Variants in FXR1 observed in about 807,000 individuals in gnomAD.
FXR1 encodes RNA-binding protein FXR1.
Under a neutral mutation model 84.0 loss-of-function variants are expected in FXR1, and 15 were observed. That is an observed-to-expected ratio of 0.18 (90% confidence interval 0.12 to 0.27). The LOEUF (loss-of-function observed/expected upper bound fraction) is 0.27. Ranked by LOEUF, FXR1 falls within the 10% of genes least tolerant of loss-of-function variation. FXR1 has a pLI of 1.00. For synonymous variants in FXR1, 245 were observed against 250.7 expected, an observed-to-expected ratio of 0.98 and a Z score of 0.21; for missense variants, 480 against 774.4, an observed-to-expected ratio of 0.62 and a Z score of 4.51.
At chr3:180,946,927 TAAAG>T (rs1356178532) in intron 3 of FXR1, among the ~76,000 whole-genome samples, 2 of 152,228 alleles carry the variant, frequency 1.3e-5, no homozygotes, top group Non-Finnish European at 2.9e-5. Flanking sequence ...TATAATACGT[TAAAG>T]AAGCTCTGCT....
chr3:180,923,608 C>T (rs1422249348), intron 1 of FXR1, among the ~76,000 whole-genome samples: 1 of 151,888 alleles, frequency 6.6e-6, no homozygotes, highest in Non-Finnish European at 1.5e-5. Context: ...AATTACTTTA[C>T]TTATCATAAA....
At chr3:180,934,107 T>G (rs1244688763) in intron 2 of FXR1, among the ~76,000 whole-genome samples, 1 of 152,072 alleles carries the variant, frequency 6.6e-6, no homozygotes, top group East Asian at 1.9e-4. Context: ...AGAGCAAAAC[T>G]CCATCTCCAA....
At position 180,968,205 on chromosome 3, in the gene FXR1, G is replaced by T. The variant is rs535068028; in HGVS notation, c.1353G>T (p.Gly451=). The T allele has an allele frequency of 6.2e-7, 1 of 1,613,970 alleles. No homozygotes were observed. The highest frequency in any genetic ancestry group is 8.5e-7 in the Non-Finnish European group (1 of 1,179,846). The part of the protein sequence containing the change: ...RPGGRGRSVS[G]GRGRGGPRGG... ...GAGGAAGAGGCAGAAGTGTTTCAGG[G>T]GGTCGAGGTCGTGGTGGACCACGTG... The change falls in exon 14 of 17, where the codon GGG becomes GGT. Residue 451 remains glycine (G), a synonymous_variant. Transcript: ENST00000357559.
intron 9 of FXR1, 48 bp from the exon 10 acceptor site, chr3:180,957,770 GC>G: frequency 1.2e-6 from 1 of 816,140 alleles, no homozygotes; most frequent in East Asian, 2.6e-5. Context: ...TGAAAGAATA[GC>G]AGAATTGAGT....
chr3:180,927,301 A>G (rs1269833562), intron 1 of FXR1, among the ~76,000 whole-genome samples: 2 of 152,058 alleles, frequency 1.3e-5, no homozygotes, highest in Non-Finnish European at 2.9e-5. Flanking sequence ...TTGGGGCTAT[A>G]TAAGATGTGT....
At chr3:180,949,206 A>G in intron 6 of FXR1, 21 bp from the exon 7 acceptor site, 1 of 1,164,822 alleles carries the variant, frequency 8.6e-7, no homozygotes, top group Non-Finnish European at 1.3e-6. Context: ...AGTTTTGAGT[A>G]ATTAGCTTGT....
chr3:180,975,727 TTA>T (rs1452336147), intron 16 of FXR1, among the ~76,000 whole-genome samples: 9 of 152,196 alleles, frequency 5.9e-5, no homozygotes, highest in African/African-American at 2.2e-4. Flanking sequence ...CTTTTAAATT[TTA>T]GTTCTTTTAA....
chr3:180,952,278 A>G (rs1035680577), intron 8 of FXR1, among the ~76,000 whole-genome samples: 17 of 152,106 alleles, frequency 1.1e-4, no homozygotes, highest in African/African-American at 4.1e-4. Context: ...TTTGAATGAC[A>G]ATTTTGTGTC....
chr3:180,920,789 G>A (rs1389372102), intron 1 of FXR1, among the ~76,000 whole-genome samples: 1 of 152,104 alleles, frequency 6.6e-6, no homozygotes, highest in East Asian at 1.9e-4. Flanking sequence ...AGGATTACAG[G>A]TGTGAGCCAC....
chr3:180,923,668 G>A (rs1718835656), intron 1 of FXR1, among the ~76,000 whole-genome samples: 1 of 152,160 alleles, frequency 6.6e-6, no homozygotes, highest in South Asian at 2.1e-4. Flanking sequence ...GTAGCTTTAA[G>A]TACTCCTAGC....
Position 180,967,969 on chromosome 3 carries a change from A to G in FXR1, c.1199-82A>G, listed in dbSNP as rs1463207339. ...CCAAACAGTATTGCTTATTTAAACAATAATTTGTAGGACATAATTTTGAAC... is the reference window on the plus strand; with the variant it reads ...CCAAACAGTATTGCTTATTTAAACAGTAATTTGTAGGACATAATTTTGAAC... On this transcript the variant is annotated intron_variant, in intron 13 of 16. Coordinates refer to ENST00000357559, the MANE Select transcript of FXR1 (RefSeq NM_005087.4). 293 of 892,678 alleles carry G rather than the reference A, an allele frequency of 3.3e-4. 1 individual carries two copies. Among genetic ancestry groups the G allele is most frequent in the South Asian group, 5.6e-5 (4 of 71,902 alleles). 55.3% of individuals were successfully genotyped at this position (892,678 alleles called of 1,614,324 possible).
chr3:180,921,782 A>T (rs1327413850), intron 1 of FXR1, among the ~76,000 whole-genome samples: 1 of 151,574 alleles, frequency 6.6e-6, no homozygotes, highest in Non-Finnish European at 1.5e-5. Context: ...AGACACGTGT[A>T]TAATTTTACA....
intron 1 of FXR1, among the ~76,000 whole-genome samples, chr3:180,926,506 A>ATATATATATATATAT (rs72192827): frequency 1.5e-3 from 181 of 124,280 alleles, no homozygotes; most frequent in Non-Finnish European, 2.1e-3. Context: ...ATATATATAT[A>ATATATATATATATAT]TTTTTTTTTC....
In FXR1 at chr3:180,980,772, A is replaced by C. The variant is rs1263624858; in HGVS notation, c.*4480A>C. ...TCTTCCTATATATATCTTGTTGCTA[A>C]GGCAGTAGTTGGCTCTAAGCTGATA... On this transcript the variant is annotated 3_prime_UTR_variant, in exon 17 of 17. Transcript: ENST00000357559. 6.6e-6 allele frequency: 1 copy of C among 152,006 alleles called. No individual in the cohort carries two copies. The highest frequency in any genetic ancestry group is 6.6e-5 in the Admixed American group (1 of 15,244). The allele number at this position is 152,006 out of a possible 1,614,324, so 9.4% of individuals were successfully genotyped here.
chr3:180,980,392 T>G lies in FXR1; in HGVS notation c.*4100T>G, dbSNP rs556089621. The stretch of plus-strand genomic sequence containing the variant: ...TCAGTGATTGGGATGTTCTTTTTTT[T>G]TGGGAAAGTTTTTTTACCCCTTTGT... On this transcript the variant is annotated 3_prime_UTR_variant, in exon 17 of 17. Coordinates refer to ENST00000357559, the MANE Select transcript of FXR1 (RefSeq NM_005087.4). 9.9e-5 allele frequency: 15 copies of G among 152,062 alleles called. 1 individual carries two copies. The highest frequency in any genetic ancestry group is 3.1e-4 in the African/African-American group (13 of 41,536). 9.4% of individuals were successfully genotyped at this position (152,062 alleles called of 1,614,324 possible). A position where few individuals can be genotyped will look rare whatever the true frequency, so the allele number is the denominator to read the frequency against.
chr3:180,948,594 G>C lies in FXR1; in HGVS notation c.419+99G>C, dbSNP rs868001608. ...TAATGCCCAATCAAACCTTCTGATGGAAAATCATCTTAATGAACAAAGGTT... is the reference window on the plus strand; with the variant it reads ...TAATGCCCAATCAAACCTTCTGATGCAAAATCATCTTAATGAACAAAGGTT... On this transcript the variant is annotated intron_variant, in intron 5 of 16. Transcript: ENST00000357559. 3.2e-5 allele frequency: 33 copies of C among 1,033,478 alleles called. 1 individual carries two copies. In the Middle Eastern group the frequency reaches 2.0e-3, roughly 62 times the overall value. 64.0% of individuals were successfully genotyped at this position (1,033,478 alleles called of 1,614,324 possible).
chr3:180,917,835 T>C (rs1718082932), intron 1 of FXR1, among the ~76,000 whole-genome samples: 1 of 150,626 alleles, frequency 6.6e-6, no homozygotes, highest in Admixed American at 6.7e-5. Flanking sequence ...TAGTCCCAGC[T>C]ACTTGGGAAG....
At chr3:180,921,345 T>A (rs1249445571) in intron 1 of FXR1, among the ~76,000 whole-genome samples, 2 of 148,312 alleles carry the variant, frequency 1.3e-5, no homozygotes, top group Non-Finnish European at 3.0e-5. Flanking sequence ...GCCACTGCAC[T>A]CCAGCCTGGG....
intron 1 of FXR1, among the ~76,000 whole-genome samples, chr3:180,918,735 T>G (rs1230169616): frequency 6.6e-6 from 1 of 152,214 alleles, no homozygotes; most frequent in East Asian, 1.9e-4. Flanking sequence ...TTGTGAAATC[T>G]TTGCTAGTTT....
Sources: gnomAD v4.1 joint callset for allele counts (sites outside exome capture counted in the v4.1 genomes callset) on GRCh38, gnomAD v4.1.1 for gene constraint, MANE v1.5 for transcripts, NCBI Gene and HGNC (gene_info 2026-07-23, HGNC 2026-07-21) for gene names.